Variants in SLC7A2 observed in about 807,000 individuals in gnomAD.
SLC7A2 encodes the protein solute carrier family 7 member 2, also known as cationic amino acid transporter 2.
A neutral mutation model predicts 58.9 loss-of-function variants in SLC7A2; 48 were observed. The ratio of observed to expected loss-of-function variants is 0.82; its 90% CI spans 0.65 to 1.04. The LOEUF (loss-of-function observed/expected upper bound fraction) is 1.04, where lower values mean the gene tolerates loss of function less well. Among genes scored for constraint, SLC7A2 ranks in the 50% least tolerant of loss-of-function variants. The pLI, the probability that SLC7A2 is intolerant of heterozygous loss-of-function variation, is 0.00. For missense variants in SLC7A2, 1,029 were observed against 818.8 expected, an observed-to-expected ratio of 1.26 and a Z score of -3.13; for synonymous variants, 363 against 314.5, an observed-to-expected ratio of 1.15 and a Z score of -1.63.
At chr8:17,495,920 T>A (rs534646030), upstream of SLC7A2, among the ~76,000 whole-genome samples, 64 of 152,374 alleles carry the variant, frequency 4.2e-4, no homozygotes, top group African/African-American at 1.5e-3. Context: ...GTGTGTGCTA[T>A]CTTCTGGAAT....
At chr8:17,550,730 G>A (rs1802409358) in intron 6 of SLC7A2, among the ~76,000 whole-genome samples, 1 of 152,198 alleles carries the variant, frequency 6.6e-6, no homozygotes, top group African/African-American at 2.4e-5. Flanking sequence ...CTTTATAAAT[G>A]TGAGTCATTA....
intron 2 of SLC7A2, among the ~76,000 whole-genome samples, chr8:17,533,866 T>A (rs1163019125): frequency 6.6e-6 from 1 of 152,180 alleles, no homozygotes; most frequent in Non-Finnish European, 1.5e-5. Context: ...ATCACCTAGG[T>A]ATTAAGCCCC....
At position 17,565,014 on chromosome 8, in the gene SLC7A2, C is replaced by G. The variant is rs754576823; in HGVS notation, c.1845C>G (p.Asn615Lys). 1.9e-6 allele frequency: 3 copies of G among 1,613,208 alleles called. No homozygotes were observed. The highest frequency in any genetic ancestry group is 2.5e-6 in the Non-Finnish European group (3 of 1,179,820). ...HSLEGHLRDENNEEDAYPDNV... is the reference protein window; with the variant it reads ...HSLEGHLRDEKNEEDAYPDNV... ...TGGAGGGTCATCTGAGAGATGAAAA[C>G]AATGAAGAAGATGCTTATCCAGACA... Residue 615 changes from asparagine to lysine, a missense_variant, in exon 13 of 13, where the codon AAC (asparagine) becomes AAG (lysine). Asn to Lys is a moderately conservative substitution (Grantham distance 94, BLOSUM62 0). Coordinates refer to ENST00000494857, the MANE Select transcript of SLC7A2 (RefSeq NM_001370338.1).
chr8:17,537,016 C>G (rs1209784059), intron 2 of SLC7A2, among the ~76,000 whole-genome samples: 1 of 152,172 alleles, frequency 6.6e-6, no homozygotes, highest in Non-Finnish European at 1.5e-5. Context: ...CTGCCTTTCA[C>G]AAGACTGTCC....
chr8:17,544,352 A>G (rs1802062579), intron 3 of SLC7A2, 99 bp from the exon 4 acceptor site: 1 of 1,016,312 alleles, frequency 9.8e-7, no homozygotes, highest in Non-Finnish European at 1.5e-6. Context: ...AAAATTTTCA[A>G]TCTTTTGTGA....
chr8:17,543,309 T>G lies in SLC7A2; in HGVS notation c.-22-9T>G, dbSNP rs766518445. On this transcript the variant is annotated splice_polypyrimidine_tract_variant and intron_variant, in intron 2 of 12. Transcript: ENST00000494857. ...CAGATCAGCTTCTAACCTCCTCCCTTCTGCTCAGGTCGCCTTCGTCAGACG... is the reference window on the plus strand; with the variant it reads ...CAGATCAGCTTCTAACCTCCTCCCTGCTGCTCAGGTCGCCTTCGTCAGACG... 158 of 1,590,302 alleles carry G rather than the reference T, an allele frequency of 9.9e-5. No individual in the cohort carries two copies. The highest frequency in any genetic ancestry group is 1.3e-4 in the Non-Finnish European group (149 of 1,169,026).
chr8:17,556,894 C>G (rs1035969522), intron 8 of SLC7A2, among the ~76,000 whole-genome samples: 1 of 152,096 alleles, frequency 6.6e-6, no homozygotes, highest in African/African-American at 2.4e-5. Context: ...CAGGTGTGAA[C>G]CTCTGTGCCC....
chr8:17,562,408 T>G (rs536864855), intron 11 of SLC7A2, among the ~76,000 whole-genome samples: 1 of 152,112 alleles, frequency 6.6e-6, no homozygotes, highest in Admixed American at 6.5e-5. Flanking sequence ...TTTCACCATG[T>G]TAGCCAGGAT....
At chr8:17,537,486 T>C (rs2150726572) in intron 2 of SLC7A2, among the ~76,000 whole-genome samples, 1 of 152,258 alleles carries the variant, frequency 6.6e-6, no homozygotes, top group Non-Finnish European at 1.5e-5. Flanking sequence ...TTCAAGAACA[T>C]CTAATTGAGC....
chr8:17,522,983 C>A (rs879574401), intron 2 of SLC7A2, among the ~76,000 whole-genome samples: 2 of 152,036 alleles, frequency 1.3e-5, no homozygotes, highest in Non-Finnish European at 1.5e-5. Flanking sequence ...TACAGTGACC[C>A]ATGATCACAC....
chr8:17,508,690 C>T lies in SLC7A2; in HGVS notation c.-23+6388C>T, dbSNP rs759576858. On this transcript the variant is annotated intron_variant, in intron 2 of 12. Coordinates refer to ENST00000494857, the MANE Select transcript of SLC7A2 (RefSeq NM_001370338.1). Reference sequence around the variant, plus strand: ...AGTGAGGCGAGACCACTCCAGCCTGCGAGACAGAGCAAGACTCTGTCTCAA... The same window carrying T: ...AGTGAGGCGAGACCACTCCAGCCTGTGAGACAGAGCAAGACTCTGTCTCAA... Among the ~76,000 whole-genome samples, 125 of 151,288 alleles carry T rather than the reference C, an allele frequency of 8.3e-4. 1 individual carries two copies. The highest frequency in any genetic ancestry group is 2.7e-4 in the African/African-American group (11 of 41,088).
At chr8:17,528,325 C>G (rs926792606) in intron 2 of SLC7A2, among the ~76,000 whole-genome samples, 4 of 152,118 alleles carry the variant, frequency 2.6e-5, no homozygotes, top group Admixed American at 6.6e-5. Context: ...CCTTTGTTTT[C>G]TTGAGAGGTT....
In SLC7A2 at chr8:17,567,356, A is replaced by AT. The variant is rs1347480493; in HGVS notation, c.*2211dup. 6.6e-6 allele frequency: 1 copy of AT among 152,586 alleles called. No individual in the cohort carries two copies. Among genetic ancestry groups the AT allele is most frequent in the Non-Finnish European group, 1.5e-5 (1 of 68,040 alleles). 9.5% of individuals were successfully genotyped at this position (152,586 alleles called of 1,614,324 possible). On this transcript the variant is annotated 3_prime_UTR_variant, in exon 13 of 13. Coordinates refer to ENST00000494857, the MANE Select transcript of SLC7A2 (RefSeq NM_001370338.1). Reference sequence around the variant, plus strand: ...AACGAAACCAAGAAACTTGTTTAGAATGTGATAGGCAGCTAAAACTGTTAT... The same window carrying AT: ...AACGAAACCAAGAAACTTGTTTAGAATTGTGATAGGCAGCTAAAACTGTTAT...
intron 5 of SLC7A2, 103 bp downstream of exon 5, chr8:17,548,946 A>C (rs1178081082): frequency 1.1e-6 from 1 of 935,382 alleles, no homozygotes; most frequent in African/African-American, 1.7e-5. Context: ...CATACCCATG[A>C]CTGGGTAATT....
intron 9 of SLC7A2, among the ~76,000 whole-genome samples, chr8:17,558,627 A>G (rs1159939669): frequency 6.6e-6 from 1 of 152,210 alleles, no homozygotes; most frequent in Non-Finnish European, 1.5e-5. Flanking sequence ...ATGAAAGGCA[A>G]TTTCTCATAA....
intron 6 of SLC7A2, among the ~76,000 whole-genome samples, chr8:17,551,371 G>A (rs1802441488): frequency 6.6e-6 from 1 of 152,168 alleles, no homozygotes; most frequent in Non-Finnish European, 1.5e-5. Flanking sequence ...CATTGAGGAG[G>A]GTGGATCACT....
At chr8:17,534,342 A>T (rs1024722252) in intron 2 of SLC7A2, among the ~76,000 whole-genome samples, 3 of 152,292 alleles carry the variant, frequency 2.0e-5, no homozygotes, top group Admixed American at 6.5e-5. Context: ...CTTTTTAAAC[A>T]GTTTCTCTGA....
chr8:17,532,399 G>A (rs1212300251), intron 2 of SLC7A2, among the ~76,000 whole-genome samples: 1 of 151,984 alleles, frequency 6.6e-6, no homozygotes, highest in Non-Finnish European at 1.5e-5. Context: ...GTAGTACCCT[G>A]GACTTCCCTT....
chr8:17,548,731 G>T lies in SLC7A2; in HGVS notation c.586G>T (p.Ala196Ser), dbSNP rs752714620. Reference protein sequence around the residue: ...ESAWVNKVFTAVNILVLLFVM... With the variant: ...ESAWVNKVFTSVNILVLLFVM... ...TGCTTGGGTGAATAAAGTCTTCACA[G>T]CTGTTAATATTCTCGTCCTTCTGTT... Residue 196 changes from alanine (A) to serine (S), a missense_variant, in exon 5 of 13, where the codon GCT becomes TCT. Coordinates refer to ENST00000494857, the MANE Select transcript of SLC7A2 (RefSeq NM_001370338.1). 2 of 1,613,688 alleles carry T rather than the reference G, an allele frequency of 1.2e-6. No individual in the cohort carries two copies. The highest frequency in any genetic ancestry group is 1.7e-6 in the Non-Finnish European group (2 of 1,179,702).
Sources: allele counts gnomAD v4.1 joint callset (sites outside exome capture counted in the v4.1 genomes callset), GRCh38; gene constraint gnomAD v4.1.1; transcripts MANE v1.5; gene names NCBI Gene and HGNC (gene_info 2026-07-23, HGNC 2026-07-21).